Variants in NSD1 observed in about 807,000 individuals in gnomAD.
The protein encoded by NSD1 is histone-lysine N-methyltransferase, H3 lysine-36 specific.
In NSD1, 26 loss-of-function variants were observed where a neutral mutation model predicts 242.7. That is an observed-to-expected ratio of 0.11 (90% CI 0.08 to 0.15). The LOEUF (loss-of-function observed/expected upper bound fraction) is 0.15. NSD1 is among the 10% of genes least tolerant of loss of function. The pLI, the probability that NSD1 is intolerant of heterozygous loss-of-function variation, is 1.00. For missense variants in NSD1, 2,495 were observed against 3,272.8 expected (o/e 0.76, Z 5.80); for synonymous variants, 1,106 against 1,178.1 (o/e 0.94, Z 1.25).
At chr5:177,232,247 A>G (rs1765116834) in intron 5 of NSD1, among the ~76,000 whole-genome samples, 1 of 152,206 alleles carries the variant, frequency 6.6e-6, no homozygotes, top group African/African-American at 2.4e-5. Flanking sequence ...ATGATACTAA[A>G]TCGATGAAGT....
Position 177,211,762 on chromosome 5 carries a change from A to G in NSD1, c.3363A>G (p.Lys1121=), listed in dbSNP as rs762634851. The part of the protein sequence containing the change: ...DSKVKQSDPG[K]ISEKGLSFEN... ...AGGTTAAGCAATCTGATCCTGGTAA[A>G]ATTTCTGAAAAAGGACTCTCTTTTG... is the stretch of plus-strand genomic sequence containing the variant. Residue 1121 remains lysine (K), a synonymous_variant, in exon 5 of 23, where the codon AAA becomes AAG. Coordinates refer to ENST00000439151, the MANE Select transcript of NSD1 (RefSeq NM_022455.5). 1.9e-6 allele frequency: 3 copies of G among 1,614,144 alleles called. No individual in the cohort carries two copies. Among genetic ancestry groups the G allele is most frequent in the Non-Finnish European group, 2.5e-6 (3 of 1,180,024 alleles).
intron 2 of NSD1, among the ~76,000 whole-genome samples, chr5:177,145,084 CAAAA>C (rs530282937): frequency 9.0e-5 from 7 of 77,704 alleles, no homozygotes; most frequent in African/African-American, 1.6e-4. Flanking sequence ...GACTTTGTCT[CAAAA>C]AAAAAAAAAA....
intron 12 of NSD1, 96 bp from the exon 13 acceptor site, chr5:177,256,855 G>A (rs1756511006): frequency 3.0e-6 from 3 of 986,204 alleles, no homozygotes; most frequent in Non-Finnish European, 4.9e-6. Context: ...AAACCGATCA[G>A]TCCATTATAA....
chr5:177,239,430 A>G (rs1765689071), intron 7 of NSD1, among the ~76,000 whole-genome samples: 1 of 151,900 alleles, frequency 6.6e-6, no homozygotes, highest in African/African-American at 2.4e-5. Context: ...GTTCTATTTC[A>G]CTCCACTTCT....
At chr5:177,282,078 C>G (rs1285337723) in intron 18 of NSD1, among the ~76,000 whole-genome samples, 1 of 152,190 alleles carries the variant, frequency 6.6e-6, no homozygotes, top group Non-Finnish European at 1.5e-5. Context: ...GAGGATGGTA[C>G]TTTGAAATAT....
At chr5:177,176,830 C>T (rs1364439092) in intron 2 of NSD1, among the ~76,000 whole-genome samples, 2 of 152,128 alleles carry the variant, frequency 1.3e-5, no homozygotes, top group Non-Finnish European at 2.9e-5. Context: ...AGTCCAGATT[C>T]CAGGTCCAAC....
chr5:177,238,246 C>T lies in NSD1; in HGVS notation c.3931C>T (p.Arg1311Cys), dbSNP rs886060443. 11 of 1,613,910 alleles carry T rather than the reference C, an allele frequency of 6.8e-6. No individual in the cohort carries two copies. Among genetic ancestry groups the T allele is most frequent in the South Asian group, 1.1e-5 (1 of 91,084 alleles). The stretch of plus-strand genomic sequence containing the variant: ...TATTTTTTGTTCTTAGGTAAGTTCC[C>T]GCTGTGAAGAGGAAAGCCTTCTAGC... Reference protein sequence around the residue: ...VQEQVHKVSSRCEEESLLARG... With the variant: ...VQEQVHKVSSCCEEESLLARG... The change falls in exon 7 of 23, where the codon CGC becomes TGC. Residue 1311 changes from arginine to cysteine, a missense_variant. Around this residue, in one of 19 missense-constraint regions of NSD1, gnomAD observed 100 missense variants for 190.7 expected, o/e 0.52. Coordinates refer to ENST00000439151, the MANE Select transcript of NSD1 (RefSeq NM_022455.5). This position sits in a 1 kb window ranked among gnomAD's most constrained non-coding sequence, Gnocchi z 4.6.
intron 4 of NSD1, 61 bp downstream of exon 4, chr5:177,204,353 T>C: frequency 6.8e-7 from 1 of 1,467,574 alleles, no homozygotes; most frequent in East Asian, 2.3e-5. Flanking sequence ...AGAAAGAAAA[T>C]GGCCTCTTAT....
intron 2 of NSD1, among the ~76,000 whole-genome samples, chr5:177,173,632 C>G (rs949503901): frequency 6.6e-6 from 1 of 151,990 alleles, no homozygotes; most frequent in African/African-American, 2.4e-5. Context: ...TGCCACCACA[C>G]CCAGCTAATT....
chr5:177,226,562 G>T (rs1489332323), intron 5 of NSD1, among the ~76,000 whole-genome samples: 1 of 152,158 alleles, frequency 6.6e-6, no homozygotes, highest in Admixed American at 6.5e-5. Context: ...TCACTTGAGA[G>T]ATCCTCCTGC....
intron 13 of NSD1, among the ~76,000 whole-genome samples, chr5:177,257,379 T>C (rs1756569722): frequency 6.6e-6 from 1 of 151,866 alleles, no homozygotes; most frequent in East Asian, 1.9e-4. Flanking sequence ...TACAGGCGCC[T>C]GCCACCATGC....
At chr5:177,260,861 T>C (rs1307059442) in intron 14 of NSD1, among the ~76,000 whole-genome samples, 1 of 152,198 alleles carries the variant, frequency 6.6e-6, no homozygotes, top group Non-Finnish European at 1.5e-5. Flanking sequence ...ATAGAAAGTC[T>C]GATACCTAGA....
At chr5:177,249,423 TGTTA>T (rs1471329830) in intron 11 of NSD1, among the ~76,000 whole-genome samples, 1 of 151,654 alleles carries the variant, frequency 6.6e-6, no homozygotes, top group Non-Finnish European at 1.5e-5. Context: ...AACTTGAGGA[TGTTA>T]GTTTTTCTTT....
intron 4 of NSD1, among the ~76,000 whole-genome samples, chr5:177,207,923 CGTGTGT>C (rs142847055): frequency 1.4e-5 from 2 of 146,004 alleles, no homozygotes; most frequent in African/African-American, 2.6e-5. Flanking sequence ...TGTGTGTGTG[CGTGTGT>C]GTGTGTGTGT....
intron 2 of NSD1, among the ~76,000 whole-genome samples, chr5:177,171,823 AAAT>A (rs1184464175): frequency 1.3e-5 from 2 of 152,240 alleles, no homozygotes; most frequent in African/African-American, 4.8e-5. Flanking sequence ...TCCATCTTGT[AAAT>A]AATAACACAT....
At chr5:177,246,863 C>A in intron 10 of NSD1, 67 bp downstream of exon 10, 1 of 1,095,434 alleles carries the variant, frequency 9.1e-7, no homozygotes, top group East Asian at 2.4e-5. Context: ...GAGGCCACAT[C>A]CCTCTTTCCC....
chr5:177,295,490 T>A lies in NSD1; in HGVS notation c.*31T>A. The A allele has an allele frequency of 6.2e-7, 1 of 1,608,568 alleles. No individual in the cohort carries two copies. The highest frequency in any genetic ancestry group is 1.1e-5 in the South Asian group (1 of 90,784). On this transcript the variant is annotated 3_prime_UTR_variant, in exon 23 of 23. Transcript: ENST00000439151. The surrounding 1 kb of genome is among the most constrained non-coding windows in gnomAD (Gnocchi z 4.3). ...ATCAATGTCACATGAACAAACAAGC[T>A]GCCCCCAGGGTACCATTTGGGGAGG...
rs1226679039 is a variant in NSD1, at chr5:177,246,775, A to G, written c.4476A>G (p.Ser1492=). Reference sequence around the variant, plus strand: ...AAAAAGTGAAAAATGATGACTCGTCAAAAGAGATTCCAGGCTCAGAGGTAT... The same window carrying G: ...AAAAAGTGAAAAATGATGACTCGTCGAAAGAGATTCCAGGCTCAGAGGTAT... The part of the protein sequence containing the change: ...QCKKVKNDDS[S]KEIPGSEGEL... Residue 1492 remains serine (S), a synonymous_variant, in exon 10 of 23, where the codon TCA becomes TCG. Transcript: ENST00000439151. 4.3e-6 allele frequency: 7 copies of G among 1,613,302 alleles called. No individual in the cohort carries two copies. The highest frequency in any genetic ancestry group is 1.1e-5 in the South Asian group (1 of 91,052).
Position 177,240,526 on chromosome 5 carries a change from A to G in NSD1, c.4302+661A>G, listed in dbSNP as rs542246694. Among the ~76,000 whole-genome samples the G allele has an allele frequency of 1.0e-3, 157 of 152,248 alleles. 1 individual carries two copies. Among genetic ancestry groups the G allele is most frequent in the African/African-American group, 3.7e-3 (155 of 41,538 alleles). ...CAGGATATCGAGACCATCCTGGCTA[A>G]CATGGAGAAACCCCCTCTCTACTAA... On this transcript the variant is annotated intron_variant, in intron 8 of 22. Transcript: ENST00000439151.
Sources: allele counts gnomAD v4.1 joint callset (sites outside exome capture counted in the v4.1 genomes callset), GRCh38; gene constraint gnomAD v4.1.1; regional missense constraint gnomAD v4.1.1; non-coding constraint Gnocchi (gnomAD v3.1); transcripts MANE v1.5; gene names NCBI Gene and HGNC (gene_info 2026-07-23, HGNC 2026-07-21).